The following PAXBP1 variants were observed in gnomAD, a reference collection of about 807,000 sequenced individuals.
The protein encoded by PAXBP1 is PAX3 and PAX7 binding protein 1.
A neutral mutation model predicts 119.9 loss-of-function variants in PAXBP1; 44 were observed. The ratio of observed to expected loss-of-function variants is 0.37; its 90% CI spans 0.29 to 0.47. The LOEUF (loss-of-function observed/expected upper bound fraction) is 0.47, where lower values mean the gene tolerates loss of function less well. Among genes scored for constraint, PAXBP1 ranks in the 20% least tolerant of loss-of-function variants. PAXBP1 has a pLI of 0.99. For synonymous variants in PAXBP1, 393 were observed against 406.6 expected, an observed-to-expected ratio of 0.97 and a Z score of 0.40; for missense variants, 898 against 1,134.1, an observed-to-expected ratio of 0.79 and a Z score of 2.99.
rs150353715 is a variant in PAXBP1, at chr21:32,750,928, T to C, written c.1712A>G (p.Asn571Ser). The change falls in exon 10 of 18, where the codon AAT becomes AGT. Residue 571 changes from asparagine to serine, a missense_variant. This residue lies in a region of PAXBP1 where 599 missense variants were observed against 852.7 expected (regional missense o/e 0.70). Transcript: ENST00000331923. ...EETSTDITNF[N>S]LEKDRISKES... ...AATAAATGTCTAACCTTTTTCCAGATTGAAATTAGTAATATCTGTAGAAGT... is the reference window on the plus strand; with the variant it reads ...AATAAATGTCTAACCTTTTTCCAGACTGAAATTAGTAATATCTGTAGAAGT... 151 of 1,609,464 alleles carry C rather than the reference T, an allele frequency of 9.4e-5. No homozygotes were observed. Among genetic ancestry groups the C allele is most frequent in the Admixed American group, 3.4e-4 (20 of 59,166 alleles).
rs1258853200 is a variant in PAXBP1 at position 32,771,311 on chromosome 21, A to T, written c.343+15T>A. 1 of 1,572,080 alleles carries T rather than the reference A, an allele frequency of 6.4e-7. No individual in the cohort carries two copies. Among genetic ancestry groups the T allele is most frequent in the Admixed American group, 1.7e-5 (1 of 58,176 alleles). On this transcript the variant is annotated intron_variant, in intron 1 of 17. Coordinates refer to ENST00000331923, the MANE Select transcript of PAXBP1 (RefSeq NM_016631.4). ...GGATGCGGCCGTCTAAGGGCGTCCG[A>T]AGCGCGCACTTTACCTTCCTCCTCG...
At chr21:32,743,020 C>T (rs568618381) in intron 15 of PAXBP1, 7 of 629,156 alleles carry the variant, frequency 1.1e-5, no homozygotes, top group African/African-American at 5.4e-5. Context: ...TCAGGCATTT[C>T]GTTGAGTACG....
chr21:32,748,879 A>T (rs2043915671), intron 10 of PAXBP1, among the ~76,000 whole-genome samples, 181 bp from the exon 11 acceptor site: 1 of 152,260 alleles, frequency 6.6e-6, no homozygotes, highest in African/African-American at 2.4e-5. Context: ...TTTGTCTATT[A>T]TGTAAACTAA....
intron 1 of PAXBP1, among the ~76,000 whole-genome samples, chr21:32,770,255 A>C (rs2044314215): frequency 6.6e-6 from 1 of 152,192 alleles, no homozygotes; most frequent in Non-Finnish European, 1.5e-5. Context: ...TTTCTGAAAA[A>C]CCACATCACC....
Position 32,751,039 on chromosome 21 carries a change from A to G in PAXBP1, c.1608-7T>C. On this transcript the variant is annotated splice_region_variant and splice_polypyrimidine_tract_variant and intron_variant, in intron 9 of 17. Coordinates refer to ENST00000331923, the MANE Select transcript of PAXBP1 (RefSeq NM_016631.4). ...GGCTTGTCTACGACGAGTCCTAAAT[A>G]ATAAACATCAAGTTCCCAAACTAGA... 6.2e-7 allele frequency: 1 copy of G among 1,613,446 alleles called. No homozygotes were observed. The highest frequency in any genetic ancestry group is 1.1e-5 in the South Asian group (1 of 90,982).
intron 4 of PAXBP1, 136 bp from the exon 5 acceptor site, chr21:32,761,298 T>C: frequency 2.9e-6 from 2 of 694,388 alleles, no homozygotes; most frequent in South Asian, 1.8e-5. Context: ...TGATCTCCTC[T>C]CTCATTTGGT....
chr21:32,749,145 T>C (rs953983962), intron 10 of PAXBP1, among the ~76,000 whole-genome samples: 6 of 152,166 alleles, frequency 3.9e-5, no homozygotes, highest in African/African-American at 1.2e-4. Flanking sequence ...TAGCCAACTA[T>C]CAGCTGAATG....
chr21:32,753,562 C>A lies in PAXBP1; in HGVS notation c.1507+1668G>T, dbSNP rs137885322. Among the ~76,000 whole-genome samples the A allele has an allele frequency of 2.9e-3, 443 of 151,934 alleles. 1 individual carries two copies. Among genetic ancestry groups the A allele is most frequent in the African/African-American group, 9.6e-3 (396 of 41,436 alleles). On this transcript the variant is annotated intron_variant, in intron 8 of 17. Transcript: ENST00000331923. Reference sequence around the variant, plus strand: ...CTCCTCCATTTCTGTAAGAATTATACACAGTAATTGCAGATAAGTGCTTAT... The same window carrying A: ...CTCCTCCATTTCTGTAAGAATTATAAACAGTAATTGCAGATAAGTGCTTAT...
chr21:32,763,994 C>CAAAAAAAAAA (rs5843566), intron 3 of PAXBP1, among the ~76,000 whole-genome samples: 1 of 101,724 alleles, frequency 9.8e-6, no homozygotes. Flanking sequence ...CCTCAAAAAG[C>CAAAAAAAAAA]AAAAAAAAAA....
In PAXBP1 at chr21:32,762,090, A is replaced by T. The variant is rs1463215317; in HGVS notation, c.871+6T>A. The T allele has an allele frequency of 1.9e-6, 3 of 1,613,908 alleles. No homozygotes were observed. The East Asian group carries it at 6.7e-5, about 36-fold the overall frequency. ...ATAGGCTTACTATTCAATTAAATCA[A>T]GTTACCTATTTCCTCAGCAATTTTT... On this transcript the variant is annotated splice_donor_region_variant and intron_variant, in intron 4 of 17. Transcript: ENST00000331923.
chr21:32,760,289 G>GC (rs2044118208), intron 5 of PAXBP1, among the ~76,000 whole-genome samples: 1 of 152,186 alleles, frequency 6.6e-6, no homozygotes, highest in South Asian at 2.1e-4. Context: ...TAAATGCCTT[G>GC]CCCATGGTCA....
chr21:32,734,962 G>C lies in PAXBP1; in HGVS notation c.2742C>G (p.Ile914Met). The C allele has an allele frequency of 7.4e-6, 12 of 1,612,564 alleles. No individual in the cohort carries two copies. The highest frequency in any genetic ancestry group is 1.0e-5 in the Non-Finnish European group (12 of 1,178,886). The change falls in exon 18 of 18, where the codon ATC (isoleucine) becomes ATG (methionine). Residue 914 changes from isoleucine to methionine, a missense_variant. Ile to Met is a conservative substitution (Grantham distance 10). This residue lies in a region of PAXBP1 where 599 missense variants were observed against 852.7 expected (regional missense o/e 0.70). Transcript: ENST00000331923. The stretch of plus-strand genomic sequence containing the variant: ...CAGTCTCATAGATCTATTTTCCTTC[G>C]ATCAAAGACTTAAATTCTTTCACAT... ...DHNVKEFKSL[I>M]EGK is the part of the protein sequence containing the mutation.
At chr21:32,737,980 T>TAA (rs1362985407) in intron 16 of PAXBP1, among the ~76,000 whole-genome samples, 193 bp downstream of exon 16, 3 of 152,086 alleles carry the variant, frequency 2.0e-5, no homozygotes, top group Non-Finnish European at 4.4e-5. Flanking sequence ...TATATATATA[T>TAA]AACAGTATGC....
chr21:32,768,644 TA>T (rs2044282623), intron 2 of PAXBP1, among the ~76,000 whole-genome samples: 1 of 152,232 alleles, frequency 6.6e-6, no homozygotes, highest in Non-Finnish European at 1.5e-5. Flanking sequence ...TAAACTGCTT[TA>T]GGCCTCCAAT....
chr21:32,744,657 T>A, intron 13 of PAXBP1, 135 bp downstream of exon 13: 2 of 903,802 alleles, frequency 2.2e-6, no homozygotes, highest in Non-Finnish European at 3.1e-6. Context: ...TATTTCAGGC[T>A]TTAATGGCCC....
Position 32,738,171 on chromosome 21 carries a change from A to C in PAXBP1, c.2481+2T>G. 6.4e-7 allele frequency: 1 copy of C among 1,566,748 alleles called. No individual in the cohort carries two copies. Among genetic ancestry groups the C allele is most frequent in the Non-Finnish European group, 8.6e-7 (1 of 1,164,504 alleles). ...AAAAACTGTACTATGCATTTAACTCACATTTTGGGCTTTTTTGATGCTGTC... is the reference window on the plus strand; with the variant it reads ...AAAAACTGTACTATGCATTTAACTCCCATTTTGGGCTTTTTTGATGCTGTC... On this transcript the variant is annotated splice_donor_variant, in intron 16 of 17. Transcript: ENST00000331923. LOFTEE classifies it high-confidence loss of function.
At chr21:32,760,080 C>G in intron 5 of PAXBP1, 86 bp from the exon 6 acceptor site, 1 of 1,044,382 alleles carries the variant, frequency 9.6e-7, no homozygotes, top group Non-Finnish European at 1.4e-6. Flanking sequence ...AAATCAACAG[C>G]AAAAATTATA....
At chr21:32,764,242 A>T (rs1045057896) in intron 3 of PAXBP1, 106 bp downstream of exon 3, 1 of 1,081,314 alleles carries the variant, frequency 9.2e-7, no homozygotes, top group Non-Finnish European at 1.3e-6. Flanking sequence ...CAGCAATGTC[A>T]TAATAAGAAA....
intron 2 of PAXBP1, among the ~76,000 whole-genome samples, chr21:32,767,347 C>T (rs188201291): frequency 5.9e-5 from 9 of 152,174 alleles, no homozygotes; most frequent in East Asian, 3.9e-4. Flanking sequence ...AATCAGACTC[C>T]GCCTTCAGAG....
Sources: allele counts gnomAD v4.1 joint callset (sites outside exome capture counted in the v4.1 genomes callset), GRCh38; gene constraint gnomAD v4.1.1; regional missense constraint gnomAD v4.1.1; transcripts MANE v1.5; gene names NCBI Gene and HGNC (gene_info 2026-07-23, HGNC 2026-07-21).